HMGA2: variants seen among roughly 807,000 people sequenced by gnomAD.
HMGA2 encodes high mobility group protein HMGI-C.
A neutral mutation model predicts 19.1 loss-of-function variants in HMGA2; 8 were observed. That is an observed-to-expected ratio of 0.42 (90% CI 0.25 to 0.76). The LOEUF is 0.76. HMGA2 is among the 30% of genes least tolerant of loss of function. The pLI is 0.28. For synonymous variants in HMGA2, 60 were observed against 48.8 expected, an observed-to-expected ratio of 1.23 and a Z score of -0.96; for missense variants, 109 against 136.3, an observed-to-expected ratio of 0.80 and a Z score of 1.00.
chr12:65,834,687 G>A (rs964377716), intron 2 of HMGA2, among the ~76,000 whole-genome samples: 2 of 150,482 alleles, frequency 1.3e-5, no homozygotes, highest in Admixed American at 6.6e-5. Flanking sequence ...TCCTGTACAC[G>A]AGGCACTAGT....
intron 3 of HMGA2, among the ~76,000 whole-genome samples, chr12:65,944,956 C>T (rs748769348): frequency 6.6e-6 from 1 of 152,048 alleles, no homozygotes; most frequent in Non-Finnish European, 1.5e-5. Context: ...ACTGCAGCCT[C>T]GAACTTCTGG....
intron 3 of HMGA2, among the ~76,000 whole-genome samples, chr12:65,855,521 G>A (rs1871695144): frequency 6.8e-6 from 1 of 147,794 alleles, no homozygotes; most frequent in Non-Finnish European, 1.5e-5. Context: ...GCAAACACTA[G>A]GCAGATGGCC....
intron 3 of HMGA2, chr12:65,842,177 C>A: frequency 8.8e-7 from 1 of 1,132,286 alleles, no homozygotes; most frequent in Non-Finnish European, 1.2e-6. Flanking sequence ...GGTTCAAATT[C>A]TGGTCCGTCA....
chr12:65,917,718 G>T (rs1252309490), intron 3 of HMGA2, among the ~76,000 whole-genome samples: 1 of 152,182 alleles, frequency 6.6e-6, no homozygotes, highest in Non-Finnish European at 1.5e-5. Context: ...GAGTTTCCTG[G>T]AGTGTGCAGT....
chr12:65,921,279 A>C (rs1359850652), intron 3 of HMGA2, among the ~76,000 whole-genome samples: 1 of 152,178 alleles, frequency 6.6e-6, no homozygotes, highest in Non-Finnish European at 1.5e-5. Context: ...TTGTTTTTTG[A>C]GACGGAGTCT....
chr12:65,944,362 T>C (rs1876188523), intron 3 of HMGA2, among the ~76,000 whole-genome samples: 1 of 152,160 alleles, frequency 6.6e-6, no homozygotes, highest in Non-Finnish European at 1.5e-5. Context: ...TTCAGGTGGA[T>C]TTGGAGTGGG....
chr12:65,956,955 C>T (rs1876622366), intron 4 of HMGA2: 1 of 152,164 alleles, frequency 6.6e-6, no homozygotes, highest in African/African-American at 2.4e-5. Flanking sequence ...CTAAGAAAAT[C>T]CTTAATGGTT....
In HMGA2 at chr12:65,925,719, T is replaced by C. The variant is rs59701444; in HGVS notation, c.250-25664T>C. Among the ~76,000 whole-genome samples, 1,210 of 152,340 alleles carry C rather than the reference T, an allele frequency of 7.9e-3. 19 individuals carry two copies. Among genetic ancestry groups the C allele is most frequent in the African/African-American group, 0.028 (1,146 of 41,572 alleles). Reference sequence around the variant, plus strand: ...ACTATCAATTAATCAGGTTAAGTCATGTCAAGCGATCATTAAGTTTTCGAT... The same window carrying C: ...ACTATCAATTAATCAGGTTAAGTCACGTCAAGCGATCATTAAGTTTTCGAT... On this transcript the variant is annotated intron_variant, in intron 3 of 4. Coordinates refer to ENST00000403681, the MANE Select transcript of HMGA2 (RefSeq NM_003483.6).
intron 3 of HMGA2, among the ~76,000 whole-genome samples, chr12:65,900,060 G>A (rs1477932237): frequency 1.3e-5 from 2 of 152,138 alleles, no homozygotes; most frequent in East Asian, 1.9e-4. Context: ...TACTTATAAC[G>A]ACTTCATTAT....
At chr12:65,838,385 A>T (rs1870825572) in intron 2 of HMGA2, 134 bp from the exon 3 acceptor site, 5 of 669,100 alleles carry the variant, frequency 7.5e-6, no homozygotes, top group Non-Finnish European at 1.3e-5. Flanking sequence ...GAAGTTTGTT[A>T]AAAAAAACAA....
chr12:65,868,166 T>G (rs1255555975), intron 3 of HMGA2, among the ~76,000 whole-genome samples: 2 of 152,212 alleles, frequency 1.3e-5, no homozygotes, highest in African/African-American at 4.8e-5. Context: ...CCACTGGAAA[T>G]GTAAGGATCT....
chr12:65,851,808 A>G lies in HMGA2; in HGVS notation c.249+13239A>G, dbSNP rs146326914. 2.5e-3 allele frequency among the ~76,000 whole-genome samples: 374 copies of G among 152,316 alleles called. 3 individuals carry two copies. Among genetic ancestry groups the G allele is most frequent in the African/African-American group, 8.3e-3 (345 of 41,572 alleles). On this transcript the variant is annotated intron_variant, in intron 3 of 4. Coordinates refer to ENST00000403681, the MANE Select transcript of HMGA2 (RefSeq NM_003483.6). ...AATCACGGTTCTGAATGAGACTTCA[A>G]ATGATATGGTAGATGGAACACTACG...
At chr12:65,842,757 T>C (rs1871056283) in intron 3 of HMGA2, 3 of 1,380,838 alleles carry the variant, frequency 2.2e-6, no homozygotes, top group Admixed American at 3.0e-5. Context: ...TAGCCAGTCC[T>C]GCCAATTGAA....
intron 4 of HMGA2, chr12:65,954,004 C>A (rs1876536965): frequency 1.3e-5 from 2 of 152,138 alleles, no homozygotes; most frequent in Admixed American, 1.3e-4. Context: ...AATTTTAGCA[C>A]AACTAAATAT....
intron 3 of HMGA2, among the ~76,000 whole-genome samples, chr12:65,906,890 A>G (rs1874615896): frequency 6.6e-6 from 1 of 152,196 alleles, no homozygotes; most frequent in African/African-American, 2.4e-5. Flanking sequence ...TTATTGTCTA[A>G]TAGTTATTCT....
intron 3 of HMGA2, among the ~76,000 whole-genome samples, chr12:65,883,573 C>T (rs187431595): frequency 1.3e-5 from 2 of 152,312 alleles, no homozygotes; most frequent in Admixed American, 1.3e-4. Context: ...TGTGCTATGT[C>T]CTGCTTACCC....
At chr12:65,861,959 T>C (rs1355500334) in intron 3 of HMGA2, among the ~76,000 whole-genome samples, 2 of 151,966 alleles carry the variant, frequency 1.3e-5, no homozygotes, top group Admixed American at 6.6e-5. Context: ...ATTCTCCTGC[T>C]TCAGCCTCCT....
At chr12:65,921,108 G>C (rs186928536) in intron 3 of HMGA2, among the ~76,000 whole-genome samples, 1 of 152,318 alleles carries the variant, frequency 6.6e-6, no homozygotes, top group African/African-American at 2.4e-5. Flanking sequence ...TATATTTTTA[G>C]CAAAGAGACT....
chr12:65,864,150 T>G (rs1872260343), intron 3 of HMGA2, among the ~76,000 whole-genome samples: 1 of 152,110 alleles, frequency 6.6e-6, no homozygotes, highest in Non-Finnish European at 1.5e-5. Flanking sequence ...ATCTGAGGTA[T>G]CCATAGTAAC....
Sources: gnomAD v4.1 joint callset for allele counts (sites outside exome capture counted in the v4.1 genomes callset) on GRCh38, gnomAD v4.1.1 for gene constraint, MANE v1.5 for transcripts, NCBI Gene and HGNC (gene_info 2026-07-23, HGNC 2026-07-21) for gene names.